FBXO6: variants seen among roughly 807,000 people sequenced by gnomAD.
FBXO6 encodes the protein F-box only protein 6.
Under a neutral mutation model 25.0 loss-of-function variants are expected in FBXO6, and 13 were observed. The observed-to-expected ratio is 0.52, with a 90% CI of 0.34 to 0.83. FBXO6 has a LOEUF of 0.83. Among genes scored for constraint, FBXO6 ranks in the 40% least tolerant of loss-of-function variants. The pLI, the probability that FBXO6 is intolerant of heterozygous loss-of-function variation, is 0.02. For synonymous variants in FBXO6, 138 were observed against 155.3 expected, an observed-to-expected ratio of 0.89 and a Z score of 0.83; for missense variants, 370 against 380.2, an observed-to-expected ratio of 0.97 and a Z score of 0.22.
At position 11,673,642 on chromosome 1, in the gene FBXO6, C is replaced by G. The variant is rs138789461; in HGVS notation, c.673C>G (p.Arg225Gly). 4.3e-6 allele frequency: 7 copies of G among 1,613,984 alleles called. No individual in the cohort carries two copies. The African/African-American group carries it at 5.3e-5, about 12-fold the overall frequency. Reference sequence around the variant, plus strand: ...CTCCTACACCTTCTCAGACTACCCCCGGGGTGTCCGCTACATCCTCTTCCA... The same window carrying G: ...CTCCTACACCTTCTCAGACTACCCCGGGGGTGTCCGCTACATCCTCTTCCA... ...EVSYTFSDYP[R>G]GVRYILFQHG... Residue 225 changes from arginine to glycine, a missense_variant, in exon 6 of 6, where the codon CGG becomes GGG. Coordinates refer to ENST00000376753, the MANE Select transcript of FBXO6 (RefSeq NM_018438.6). This position sits in a 1 kb window ranked among gnomAD's most constrained non-coding sequence, Gnocchi z 4.3.
At chr1:11,671,870 AGG>A (rs3215521) in intron 3 of FBXO6, 56 bp from the exon 4 acceptor site, 35 of 1,430,040 alleles carry the variant, frequency 2.4e-5, no homozygotes, top group African/African-American at 8.5e-5. Context: ...GGCCTGGGTG[AGG>A]GGGGGGGCCA....
intron 1 of FBXO6, chr1:11,664,594 C>G (rs1640346634): frequency 6.6e-6 from 1 of 152,004 alleles, no homozygotes; most frequent in African/African-American, 2.4e-5. Flanking sequence ...CAGGCGGAGG[C>G]TCTGCGGCCG....
chr1:11,665,462 A>G (rs1453948016), intron 1 of FBXO6, among the ~76,000 whole-genome samples: 2 of 149,384 alleles, frequency 1.3e-5, no homozygotes, highest in African/African-American at 2.5e-5. Context: ...TCACTGTGTT[A>G]GCCAGGACGG....
intron 1 of FBXO6, among the ~76,000 whole-genome samples, chr1:11,667,303 G>C (rs762643534): frequency 1.3e-5 from 2 of 152,200 alleles, no homozygotes; most frequent in Admixed American, 6.5e-5. Flanking sequence ...CCTGGGGCAA[G>C]TACCTGGGAT....
chr1:11,670,546 A>G (rs12058293), intron 2 of FBXO6, among the ~76,000 whole-genome samples: 9,637 of 150,996 alleles, frequency 0.064, 1,031 homozygotes, highest in African/African-American at 0.22. Context: ...CCTCCTGGAC[A>G]TCTGGGATGC....
rs1640670097 is a variant in FBXO6 at position 11,673,095 on chromosome 1, C to T, written c.510-182C>T. On this transcript the variant is annotated intron_variant, in intron 4 of 5. Coordinates refer to ENST00000376753, the MANE Select transcript of FBXO6 (RefSeq NM_018438.6). This position sits in a 1 kb window ranked among gnomAD's most constrained non-coding sequence, Gnocchi z 4.3. ...GGTAACAGAGGCCAGCATGGACAGA[C>T]AGCTTATCCCCGGGCCACAGTGGGG... Among the ~76,000 whole-genome samples, 2 of 152,208 alleles carry T rather than the reference C, an allele frequency of 1.3e-5. No homozygotes were observed. The highest frequency in any genetic ancestry group is 2.9e-5 in the Non-Finnish European group (2 of 68,042).
chr1:11,668,544 G>A, intron 1 of FBXO6, 112 bp from the exon 2 acceptor site: 1 of 1,356,022 alleles, frequency 7.4e-7, no homozygotes, highest in Non-Finnish European at 1.0e-6. Flanking sequence ...CTCCAGGCAT[G>A]TGCCACCACA....
intron 1 of FBXO6, among the ~76,000 whole-genome samples, chr1:11,668,007 G>T (rs1043200347): frequency 1.3e-5 from 2 of 150,164 alleles, no homozygotes; most frequent in East Asian, 4.0e-4. Context: ...CAGGAGAATC[G>T]CTTGAACCCA....
chr1:11,666,178 G>A (rs1047461844), intron 1 of FBXO6, among the ~76,000 whole-genome samples: 1 of 150,894 alleles, frequency 6.6e-6, no homozygotes, highest in Non-Finnish European at 1.5e-5. Flanking sequence ...GGACTGTAAG[G>A]TAGAAAAATC....
chr1:11,668,617 C>T (rs370915217), intron 1 of FBXO6, 39 bp from the exon 2 acceptor site: 1 of 1,592,946 alleles, frequency 6.3e-7, no homozygotes. Flanking sequence ...TGAGGGCCCA[C>T]CTCCCTGGTC....
rs752377794 is a variant in FBXO6 at position 11,673,774 on chromosome 1, G to A, written c.805G>A (p.Glu269Lys). The A allele has an allele frequency of 4.2e-5, 67 of 1,614,014 alleles. No individual in the cohort carries two copies. The highest frequency in any genetic ancestry group is 6.7e-5 in the East Asian group (3 of 44,894). Residue 269 changes from glutamate to lysine, a missense_variant, in exon 6 of 6, where the codon GAG (glutamate) becomes AAG (lysine). Glu to Lys is a moderately conservative substitution (Grantham distance 56, BLOSUM62 1). Transcript: ENST00000376753. This position sits in a 1 kb window ranked among gnomAD's most constrained non-coding sequence, Gnocchi z 4.3. ...PKMTRNQASS[E>K]AQPGQKHGQE... ...GATGACCAGGAACCAGGCCTCCTCC[G>A]AGGCTCAGCCTGGGCAGAAGCATGG...
chr1:11,671,964 C>A lies in FBXO6; in HGVS notation c.450C>A (p.Ala150=). 2 of 1,614,176 alleles carry A rather than the reference C, an allele frequency of 1.2e-6. No individual in the cohort carries two copies. Among genetic ancestry groups the A allele is most frequent in the Non-Finnish European group, 8.5e-7 (1 of 1,180,004 alleles). The part of the protein sequence containing the change: ...CLKSQLVDLV[A]EGYWEELLDT... ...AGTCCCAGCTGGTGGACCTTGTAGC[C>A]GAGGGCTACTGGGAGGAGCTACTAG... is the stretch of plus-strand genomic sequence containing the variant. The change falls in exon 4 of 6, where the codon GCC becomes GCA. Residue 150 remains alanine (A), a synonymous_variant. Coordinates refer to ENST00000376753, the MANE Select transcript of FBXO6 (RefSeq NM_018438.6).
chr1:11,669,168 G>A (rs1274142707), intron 2 of FBXO6, among the ~76,000 whole-genome samples: 1 of 152,148 alleles, frequency 6.6e-6, no homozygotes, highest in East Asian at 1.9e-4. Context: ...CCCATTTCAT[G>A]CCCTGTAACA....
chr1:11,671,202 A>G, intron 2 of FBXO6, 64 bp from the exon 3 acceptor site: 1 of 1,582,846 alleles, frequency 6.3e-7, no homozygotes, highest in Non-Finnish European at 8.6e-7. Flanking sequence ...TCCTGGGACT[A>G]AGTGGGGAGG....
At chr1:11,669,204 G>A (rs576058731) in intron 2 of FBXO6, among the ~76,000 whole-genome samples, 5 of 152,286 alleles carry the variant, frequency 3.3e-5, no homozygotes, top group South Asian at 2.1e-4. Flanking sequence ...GGTGGCTCAC[G>A]CCTGTAATCC....
intron 3 of FBXO6, 46 bp from the exon 4 acceptor site, chr1:11,671,882 A>G (rs756355493): frequency 6.5e-7 from 1 of 1,527,510 alleles, no homozygotes; most frequent in Non-Finnish European, 9.1e-7. Flanking sequence ...GGGGGGGGCC[A>G]TGCAGAGCAC....
rs1640531308 is a variant in FBXO6, at chr1:11,669,044, C to T, written c.286+100C>T. On this transcript the variant is annotated intron_variant, in intron 2 of 5. Coordinates refer to ENST00000376753, the MANE Select transcript of FBXO6 (RefSeq NM_018438.6). ...CCACACTACCTGGAATATTCTCTAA[C>T]CCTAAACACCCACCTCACTTCCTTG... 3 of 1,412,488 alleles carry T rather than the reference C, an allele frequency of 2.1e-6. No homozygotes were observed. The East Asian group carries it at 7.3e-5, about 34-fold the overall frequency. The allele number at this position is 1,412,488 out of a possible 1,614,324, so 87.5% of individuals were successfully genotyped here.
chr1:11,673,438 C>G lies in FBXO6; in HGVS notation c.645+26C>G, dbSNP rs1375413279. On this transcript the variant is annotated intron_variant, in intron 5 of 5. Transcript: ENST00000376753. The surrounding 1 kb of genome is among the most constrained non-coding windows in gnomAD (Gnocchi z 4.3). Reference sequence around the variant, plus strand: ...GTGAGGCCTCACCCACTTGCTCTCTCTACCCACTCCTCCCAGGGCCAGGAT... The same window carrying G: ...GTGAGGCCTCACCCACTTGCTCTCTGTACCCACTCCTCCCAGGGCCAGGAT... The G allele has an allele frequency of 6.2e-7, 1 of 1,609,848 alleles. No homozygotes were observed. Among genetic ancestry groups the G allele is most frequent in the East Asian group, 2.2e-5 (1 of 44,798 alleles).
intron 1 of FBXO6, among the ~76,000 whole-genome samples, chr1:11,667,091 G>A (rs1188008824): frequency 6.6e-6 from 1 of 151,694 alleles, no homozygotes; most frequent in African/African-American, 2.4e-5. Context: ...AGATTGCAGT[G>A]AGCCGAGATC....
Sources: gnomAD v4.1 joint callset for allele counts (sites outside exome capture counted in the v4.1 genomes callset) on GRCh38, gnomAD v4.1.1 for gene constraint, Gnocchi (gnomAD v3.1) non-coding constraint, MANE v1.5 for transcripts, NCBI Gene and HGNC (gene_info 2026-07-23, HGNC 2026-07-21) for gene names.